Variants in LRRFIP2 observed in about 807,000 individuals in gnomAD.
LRRFIP2 encodes the protein LRR binding FLII interacting protein 2.
LRRFIP2 carries 109 observed loss-of-function variants against 125.9 expected under a neutral mutation model. The ratio of observed to expected loss-of-function variants is 0.87; its 90% confidence interval spans 0.74 to 1.01. LRRFIP2 has a LOEUF of 1.01. Ranked by LOEUF, LRRFIP2 falls within the 50% of genes least tolerant of loss-of-function variation. The pLI is 0.00. For synonymous variants in LRRFIP2, 291 were observed against 293.1 expected (o/e 0.99, Z 0.07); for missense variants, 850 against 862.3 (o/e 0.99, Z 0.18).
rs1338619840 is a variant in LRRFIP2 at position 37,166,273 on chromosome 3, T to C, written c.-56+8266A>G. 2.0e-5 allele frequency among the ~76,000 whole-genome samples: 3 copies of C among 152,026 alleles called. No homozygotes were observed. In the East Asian group the frequency reaches 5.8e-4, roughly 29 times the overall value. ...TGAACCCAGGAGGCGGAGGTTGCAG[T>C]GAGCCGAGATTGGGCCACTGCACTC... is the stretch of plus-strand genomic sequence containing the variant. On this transcript the variant is annotated intron_variant, in intron 1 of 27. Transcript: ENST00000336686.
intron 1 of LRRFIP2, among the ~76,000 whole-genome samples, chr3:37,159,989 C>CAAAAAAA (rs58005486): frequency 3.6e-4 from 17 of 46,944 alleles, no homozygotes; most frequent in East Asian, 1.5e-3. Context: ...GCCCTATGCG[C>CAAAAAAA]AAAAAAAAAA....
At chr3:37,113,191 T>C (rs778154475) in intron 7 of LRRFIP2, among the ~76,000 whole-genome samples, 2 of 152,128 alleles carry the variant, frequency 1.3e-5, no homozygotes, top group Non-Finnish European at 2.9e-5. Context: ...CTCCCTCACC[T>C]CCCTCTGTGC....
chr3:37,148,826 C>T (rs1313675977), intron 2 of LRRFIP2, 68 bp downstream of exon 2: 5 of 1,571,236 alleles, frequency 3.2e-6, no homozygotes, highest in Admixed American at 1.7e-5. Flanking sequence ...GTCTATATCT[C>T]TGTCAAATCG....
chr3:37,103,057 A>G, intron 14 of LRRFIP2, 44 bp from the exon 15 acceptor site: 1 of 1,441,348 alleles, frequency 6.9e-7, no homozygotes, highest in Non-Finnish European at 9.4e-7. Flanking sequence ...GGTTAAGAAA[A>G]AAGAAAGAAA....
At chr3:37,155,735 G>A (rs568614426) in intron 1 of LRRFIP2, among the ~76,000 whole-genome samples, 159 of 152,236 alleles carry the variant, frequency 1.0e-3, no homozygotes, top group African/African-American at 3.7e-3. Flanking sequence ...CCAATCATGT[G>A]CATGCTAAAA....
intron 15 of LRRFIP2, among the ~76,000 whole-genome samples, chr3:37,100,433 TAC>T (rs1250595522): frequency 7.8e-6 from 1 of 128,414 alleles, no homozygotes; most frequent in Non-Finnish European, 1.9e-5. Context: ...CATATATGTA[TAC>T]ACATGTGTGT....
At chr3:37,143,734 G>A in intron 2 of LRRFIP2, 1 of 165,890 alleles carries the variant, frequency 6.0e-6, no homozygotes, top group Non-Finnish European at 1.3e-5. Context: ...TGATGTTAGG[G>A]TACCAGATCC....
intron 1 of LRRFIP2, among the ~76,000 whole-genome samples, chr3:37,158,286 A>G (rs763477963): frequency 1.3e-5 from 2 of 152,210 alleles, no homozygotes; most frequent in Non-Finnish European, 2.9e-5. Context: ...CAACAATTAC[A>G]TATTGCTGAG....
At chr3:37,146,299 A>G (rs772850688) in intron 2 of LRRFIP2, among the ~76,000 whole-genome samples, 1 of 152,184 alleles carries the variant, frequency 6.6e-6, no homozygotes, top group Non-Finnish European at 1.5e-5. Context: ...CTTTTAACTG[A>G]AAAATATCTC....
intron 24 of LRRFIP2, among the ~76,000 whole-genome samples, chr3:37,059,904 C>T (rs2088064815): frequency 6.6e-6 from 1 of 152,176 alleles, no homozygotes; most frequent in Non-Finnish European, 1.5e-5. Context: ...AAGTTTGCCA[C>T]TCCCCAATGG....
chr3:37,163,640 TA>T (rs1394998672), intron 1 of LRRFIP2, among the ~76,000 whole-genome samples: 4 of 152,208 alleles, frequency 2.6e-5, no homozygotes, highest in African/African-American at 4.8e-5. Context: ...AATTTTGTGT[TA>T]AAAACCACTG....
intron 15 of LRRFIP2, among the ~76,000 whole-genome samples, chr3:37,101,632 T>C (rs1576587922): frequency 7.2e-6 from 1 of 138,916 alleles, no homozygotes; most frequent in South Asian, 2.2e-4. Context: ...ACTGCTGCAC[T>C]CCGACCTGGA....
At chr3:37,099,092 C>T (rs62244269) in intron 15 of LRRFIP2, among the ~76,000 whole-genome samples, 4 of 152,258 alleles carry the variant, frequency 2.6e-5, no homozygotes, top group East Asian at 1.9e-4. Flanking sequence ...TCCCAATTGT[C>T]GCAACCCAAA....
intron 20 of LRRFIP2, 112 bp downstream of exon 20, chr3:37,074,912 A>G (rs2091807952): frequency 2.8e-6 from 2 of 705,034 alleles, no homozygotes; most frequent in Admixed American, 4.4e-5. Flanking sequence ...ACAGTCAAAT[A>G]TAAAGAGACA....
At chr3:37,067,646 T>C (rs1012451894) in intron 21 of LRRFIP2, 8 of 152,236 alleles carry the variant, frequency 5.3e-5, no homozygotes, top group Non-Finnish European at 2.9e-5. Context: ...TAAGGGATGA[T>C]AGCAACTACG....
chr3:37,121,477 A>G lies in LRRFIP2; in HGVS notation c.330+15T>C. On this transcript the variant is annotated intron_variant, in intron 6 of 27. Transcript: ENST00000336686. Reference sequence around the variant, plus strand: ...ACGTAAGCTTTGTATTGTGTAGACAAGTTAAAATACCAACCCTGTGACTGC... The same window carrying G: ...ACGTAAGCTTTGTATTGTGTAGACAGGTTAAAATACCAACCCTGTGACTGC... 1 of 1,612,366 alleles carries G rather than the reference A, an allele frequency of 6.2e-7. No homozygotes were observed. The highest frequency in any genetic ancestry group is 8.5e-7 in the Non-Finnish European group (1 of 1,178,406).
intron 19 of LRRFIP2, among the ~76,000 whole-genome samples, chr3:37,079,783 T>A (rs2092460906): frequency 1.3e-5 from 2 of 152,186 alleles, no homozygotes; most frequent in Admixed American, 1.3e-4. Context: ...ATAACATGGA[T>A]GAACCTTGAA....
intron 2 of LRRFIP2, among the ~76,000 whole-genome samples, chr3:37,130,601 A>C (rs755673997): frequency 5.9e-5 from 9 of 152,250 alleles, no homozygotes; most frequent in Non-Finnish European, 1.2e-4. Context: ...TAAACAATTC[A>C]TAAGTTTTAA....
intron 10 of LRRFIP2, 37 bp from the exon 11 acceptor site, chr3:37,109,608 C>T: frequency 6.2e-7 from 1 of 1,613,926 alleles, no homozygotes; most frequent in Non-Finnish European, 8.5e-7. Context: ...CCAAAAAAAG[C>T]AACTGGTAGC....
Sources: gnomAD v4.1 joint callset for allele counts (sites outside exome capture counted in the v4.1 genomes callset) on GRCh38, gnomAD v4.1.1 for gene constraint, MANE v1.5 for transcripts, NCBI Gene and HGNC (gene_info 2026-07-23, HGNC 2026-07-21) for gene names.